CHCHD6: variants seen among roughly 807,000 people sequenced by gnomAD.
The protein encoded by CHCHD6 is MICOS complex subunit MIC25.
A neutral mutation model predicts 32.3 loss-of-function variants in CHCHD6; 28 were observed. The observed-to-expected ratio is 0.87, with a 90% CI of 0.64 to 1.19. The LOEUF is 1.19. Ranked by LOEUF, CHCHD6 falls within the 50% of genes most tolerant of loss-of-function variation. The pLI is 0.00. For missense variants in CHCHD6, 333 were observed against 307.0 expected, an observed-to-expected ratio of 1.08 and a Z score of -0.63; for synonymous variants, 122 against 117.5, an observed-to-expected ratio of 1.04 and a Z score of -0.25.
chr3:126,716,805 G>T (rs1450355289), intron 1 of CHCHD6, among the ~76,000 whole-genome samples: 1 of 151,762 alleles, frequency 6.6e-6, no homozygotes, highest in Non-Finnish European at 1.5e-5. Flanking sequence ...GACGGTGCTG[G>T]CAGGGGTGGG....
intron 6 of CHCHD6, among the ~76,000 whole-genome samples, chr3:126,942,641 T>C (rs1241614512): frequency 1.3e-5 from 2 of 151,992 alleles, no homozygotes; most frequent in African/African-American, 4.8e-5. Flanking sequence ...TAGCGCAAGG[T>C]GTTCAGGCTC....
chr3:126,707,256 C>T (rs1244506734), intron 1 of CHCHD6, among the ~76,000 whole-genome samples: 6 of 139,322 alleles, frequency 4.3e-5, no homozygotes, highest in African/African-American at 8.1e-5. Context: ...ACAGAGACTC[C>T]GTCTTAAAAA....
chr3:126,737,390 G>GTATATATATATATATATATATATA (rs60896630), intron 4 of CHCHD6, among the ~76,000 whole-genome samples: 1 of 132,618 alleles, frequency 7.5e-6, no homozygotes, highest in African/African-American at 2.7e-5. Flanking sequence ...TGATGTGTGA[G>GTATATATATATATATATATATATA]TATATATATA....
At chr3:126,865,051 C>A in intron 5 of CHCHD6, among the ~76,000 whole-genome samples, 1 of 144,714 alleles carries the variant, frequency 6.9e-6, no homozygotes, top group Admixed American at 7.1e-5. Flanking sequence ...TTCATCACTA[C>A]CTCCTCCTCC....
At chr3:126,727,004 A>G in intron 1 of CHCHD6, 74 bp from the exon 2 acceptor site, 1 of 1,025,620 alleles carries the variant, frequency 9.8e-7, no homozygotes, top group South Asian at 1.3e-5. Context: ...CTGGGGCCTG[A>G]ATAAAGAGGA....
At chr3:126,810,485 A>C (rs986814382) in intron 4 of CHCHD6, among the ~76,000 whole-genome samples, 3 of 152,158 alleles carry the variant, frequency 2.0e-5, no homozygotes, top group Admixed American at 2.0e-4. Context: ...GTGATAGACT[A>C]TTTATGTGCT....
chr3:126,847,085 T>C (rs1941320328), intron 4 of CHCHD6, among the ~76,000 whole-genome samples: 1 of 152,218 alleles, frequency 6.6e-6, no homozygotes, highest in African/African-American at 2.4e-5. Flanking sequence ...CATATATTAG[T>C]TAACAGTTAC....
chr3:126,826,738 C>T (rs1447697497), intron 4 of CHCHD6, among the ~76,000 whole-genome samples: 1 of 152,134 alleles, frequency 6.6e-6, no homozygotes, highest in African/African-American at 2.4e-5. Context: ...GACTCCTAAA[C>T]AGATGTTTGT....
At chr3:126,874,323 A>G (rs1034302757) in intron 5 of CHCHD6, among the ~76,000 whole-genome samples, 4 of 152,224 alleles carry the variant, frequency 2.6e-5, no homozygotes, top group Admixed American at 6.5e-5. Flanking sequence ...TAGGAATAAG[A>G]TTGGAGCCAT....
chr3:126,909,743 A>G lies in CHCHD6; in HGVS notation c.496-4937A>G, dbSNP rs1449571757. Among the ~76,000 whole-genome samples, 5 of 152,306 alleles carry G rather than the reference A, an allele frequency of 3.3e-5. No homozygotes were observed. The East Asian group carries it at 9.6e-4, about 29-fold the overall frequency. On this transcript the variant is annotated intron_variant, in intron 5 of 7. Transcript: ENST00000290913. ...ACTAAAGAGTCCGATGGGAAAGAAA[A>G]TCACCCAGAAATAATAGTCCCTGGT...
intron 4 of CHCHD6, among the ~76,000 whole-genome samples, chr3:126,823,028 C>G (rs1015418550): frequency 5.9e-5 from 9 of 152,204 alleles, no homozygotes; most frequent in East Asian, 1.9e-4. Context: ...ACATCAGCCT[C>G]TTGGGTAGCT....
rs1222676545 is a variant in CHCHD6, at chr3:126,914,747, T to C, written c.563T>C (p.Ile188Thr). 6.4e-7 allele frequency: 1 copy of C among 1,552,138 alleles called. No individual in the cohort carries two copies. Among genetic ancestry groups the C allele is most frequent in the Non-Finnish European group, 8.9e-7 (1 of 1,123,334 alleles). The change falls in exon 6 of 8, where the codon ATA (isoleucine) becomes ACA (threonine). Residue 188 changes from isoleucine (I) to threonine (T), a missense_variant. Ile to Thr is a moderately conservative substitution (Grantham distance 89). Transcript: ENST00000290913. ...HEAASKMEST[I>T]KPRRVEPVCS... ...GCAGCCTCAAAGATGGAGAGCACAA[T>C]AAAGTAAGAATTTGTTTATTATTCT...
rs1478118435 is a variant in CHCHD6, at chr3:126,863,674, ACCT to A, written c.495+10956_495+10958del. On this transcript the variant is annotated intron_variant, in intron 5 of 7. Coordinates refer to ENST00000290913, the MANE Select transcript of CHCHD6 (RefSeq NM_032343.3). ...CACCTCCCCCTCCTCCACCATCACC[ACCT>A]CCTCCTCCTCCACCATCACCACCTC... 1.3e-4 allele frequency among the ~76,000 whole-genome samples: 12 copies of A among 91,506 alleles called. No homozygotes were observed. The South Asian group carries it at 2.1e-3, about 16-fold the overall frequency. 60.0% of individuals were successfully genotyped at this position (91,506 alleles called of 152,430 possible). A position where few individuals can be genotyped will look rare whatever the true frequency, so the allele number is the denominator to read the frequency against.
intron 4 of CHCHD6, among the ~76,000 whole-genome samples, chr3:126,790,521 T>C (rs994742345): frequency 1.5e-4 from 23 of 152,222 alleles, no homozygotes. Flanking sequence ...TTTTTTCATT[T>C]CTTTTTACTC....
chr3:126,817,415 CA>C (rs1240640027), intron 4 of CHCHD6, among the ~76,000 whole-genome samples: 3 of 151,228 alleles, frequency 2.0e-5, no homozygotes, highest in Non-Finnish European at 4.4e-5. Context: ...TGATAGTTAC[CA>C]AAAAAAGACC....
At chr3:126,923,487 G>A (rs2078281862) in intron 6 of CHCHD6, among the ~76,000 whole-genome samples, 1 of 152,178 alleles carries the variant, frequency 6.6e-6, no homozygotes, top group African/African-American at 2.4e-5. Flanking sequence ...CCCATTGTGG[G>A]ATTTAAAAAT....
chr3:126,798,727 T>C (rs1027702801), intron 4 of CHCHD6, among the ~76,000 whole-genome samples: 1 of 152,132 alleles, frequency 6.6e-6, no homozygotes, highest in Admixed American at 6.5e-5. Context: ...CCTTTGACAG[T>C]CACAGATAGC....
chr3:126,767,355 A>T, intron 4 of CHCHD6: 1 of 827,080 alleles, frequency 1.2e-6, no homozygotes, highest in Non-Finnish European at 2.1e-6. Flanking sequence ...TTCTGCCCAC[A>T]TGCTGCAGAC....
intron 6 of CHCHD6, among the ~76,000 whole-genome samples, chr3:126,924,048 C>T (rs1271648125): frequency 1.3e-5 from 2 of 152,268 alleles, no homozygotes; most frequent in East Asian, 1.9e-4. Context: ...GTGTGGAAAT[C>T]GGAGGCAGCC....
Sources: gnomAD v4.1 joint callset for allele counts (sites outside exome capture counted in the v4.1 genomes callset) on GRCh38, gnomAD v4.1.1 for gene constraint, MANE v1.5 for transcripts, NCBI Gene and HGNC (gene_info 2026-07-23, HGNC 2026-07-21) for gene names.